SPON1: variants seen among roughly 807,000 people sequenced by gnomAD.
The protein encoded by SPON1 is spondin 1, also known as spondin-1.
A neutral mutation model predicts 111.7 loss-of-function variants in SPON1; 52 were observed. The ratio of observed to expected loss-of-function variants is 0.47; its 90% CI spans 0.37 to 0.59. The LOEUF is 0.59. SPON1 is among the 20% of genes least tolerant of loss of function. The pLI, the probability that SPON1 is intolerant of heterozygous loss-of-function variation, is 0.00. For missense variants in SPON1, 957 were observed against 1,068.5 expected, an observed-to-expected ratio of 0.90 and a Z score of 1.46; for synonymous variants, 410 against 395.8, an observed-to-expected ratio of 1.04 and a Z score of -0.43.
intron 5 of SPON1, among the ~76,000 whole-genome samples, chr11:14,102,510 G>A (rs1554924486): frequency 6.6e-6 from 1 of 152,084 alleles, no homozygotes; most frequent in Non-Finnish European, 1.5e-5. Flanking sequence ...CAATCACACA[G>A]TAGCTACATG....
intron 3 of SPON1, 23 bp from the exon 4 acceptor site, chr11:14,075,322 G>A (rs1240171454): frequency 1.9e-6 from 3 of 1,548,870 alleles, no homozygotes; most frequent in Non-Finnish European, 2.6e-6. Flanking sequence ...TCACCACTGT[G>A]CTTGGGTCTT....
chr11:14,169,816 C>T (rs1848075603), intron 6 of SPON1, among the ~76,000 whole-genome samples: 1 of 152,066 alleles, frequency 6.6e-6, no homozygotes, highest in South Asian at 2.1e-4. Flanking sequence ...AGATATGTGG[C>T]ATTATTTCTG....
chr11:14,107,949 T>G (rs1456004125), intron 5 of SPON1, among the ~76,000 whole-genome samples: 2 of 152,198 alleles, frequency 1.3e-5, no homozygotes, highest in Non-Finnish European at 2.9e-5. Context: ...TGGAAGCTAC[T>G]TAACGTGTCT....
intron 5 of SPON1, among the ~76,000 whole-genome samples, chr11:14,100,129 T>G (rs575301544): frequency 3.5e-4 from 49 of 139,004 alleles, no homozygotes; most frequent in African/African-American, 1.1e-3. Flanking sequence ...TTTCTGCTTT[T>G]TTGTACTTAC....
intron 6 of SPON1, among the ~76,000 whole-genome samples, chr11:14,185,752 G>C (rs1356341556): frequency 6.6e-6 from 1 of 152,250 alleles, no homozygotes; most frequent in Non-Finnish European, 1.5e-5. Flanking sequence ...TGATGGTTCT[G>C]TAGTTTCTGC....
chr11:13,983,861 ACT>A (rs1554910009), intron 2 of SPON1, among the ~76,000 whole-genome samples: 1 of 152,138 alleles, frequency 6.6e-6, no homozygotes, highest in Non-Finnish European at 1.5e-5. Flanking sequence ...GCTGCTGGAG[ACT>A]CTGGTGCAAT....
At chr11:14,164,907 T>G (rs1848010475) in intron 6 of SPON1, among the ~76,000 whole-genome samples, 1 of 152,106 alleles carries the variant, frequency 6.6e-6, no homozygotes, top group South Asian at 2.1e-4. Context: ...TGAGCCAGTT[T>G]ATTGATCTGG....
intron 3 of SPON1, among the ~76,000 whole-genome samples, chr11:14,053,411 G>A (rs1848722203): frequency 6.6e-6 from 1 of 151,962 alleles, no homozygotes; most frequent in Non-Finnish European, 1.5e-5. Flanking sequence ...GTGACCTTTT[G>A]TGTCTAGCTT....
chr11:13,988,189 G>A (rs1295926859), intron 2 of SPON1, among the ~76,000 whole-genome samples: 2 of 152,170 alleles, frequency 1.3e-5, no homozygotes, highest in Non-Finnish European at 2.9e-5. Flanking sequence ...CCATGAGCAT[G>A]GAATGTTTTT....
chr11:14,241,463 G>A (rs1407876807), intron 6 of SPON1, among the ~76,000 whole-genome samples: 1 of 152,190 alleles, frequency 6.6e-6, no homozygotes, highest in Admixed American at 6.5e-5. Context: ...GGTGGCCAGA[G>A]GGGAGACTGT....
chr11:14,015,220 T>C (rs1848436278), intron 2 of SPON1, among the ~76,000 whole-genome samples: 1 of 152,230 alleles, frequency 6.6e-6, no homozygotes, highest in Non-Finnish European at 1.5e-5. Context: ...AGAATAGAAA[T>C]GTATTTCTCA....
chr11:14,041,473 C>G, intron 2 of SPON1, 48 bp from the exon 3 acceptor site: 1 of 1,602,256 alleles, frequency 6.2e-7, no homozygotes, highest in Non-Finnish European at 8.5e-7. Context: ...CTTAAGCGCC[C>G]TCTCAAAATG....
At chr11:14,071,451 C>T (rs1554920887) in intron 3 of SPON1, among the ~76,000 whole-genome samples, 1 of 152,076 alleles carries the variant, frequency 6.6e-6, no homozygotes, top group African/African-American at 2.4e-5. Context: ...CCCACGTCCA[C>T]ACTCCCATTC....
At chr11:14,183,492 C>T (rs1221659909) in intron 6 of SPON1, among the ~76,000 whole-genome samples, 2 of 152,206 alleles carry the variant, frequency 1.3e-5, no homozygotes, top group South Asian at 2.1e-4. Context: ...TTTAAGTTCT[C>T]ATTAGAGCCA....
intron 7 of SPON1, among the ~76,000 whole-genome samples, chr11:14,244,616 C>T (rs1322955218): frequency 2.0e-5 from 3 of 151,794 alleles, no homozygotes; most frequent in Non-Finnish European, 2.9e-5. Context: ...GGTGTGGTGG[C>T]GCATGCCTGT....
chr11:14,260,029 G>A (rs958796556), intron 13 of SPON1, among the ~76,000 whole-genome samples: 9 of 152,092 alleles, frequency 5.9e-5, no homozygotes, highest in African/African-American at 1.9e-4. Flanking sequence ...ACATTTAGGC[G>A]GGACATACAT....
intron 1 of SPON1, among the ~76,000 whole-genome samples, chr11:13,967,103 T>G (rs1848023712): frequency 6.6e-6 from 1 of 152,200 alleles, no homozygotes; most frequent in Non-Finnish European, 1.5e-5. Flanking sequence ...CTCAGAGAAG[T>G]TTATTCCTTA....
At chr11:13,970,501 T>A (rs1848054370) in intron 1 of SPON1, among the ~76,000 whole-genome samples, 1 of 152,148 alleles carries the variant, frequency 6.6e-6, no homozygotes, top group African/African-American at 2.4e-5. Flanking sequence ...CAAGTCACCA[T>A]CTGTGGGGCA....
chr11:14,170,896 C>T (rs1333689521), intron 6 of SPON1, among the ~76,000 whole-genome samples: 1 of 152,046 alleles, frequency 6.6e-6, no homozygotes, highest in East Asian at 1.9e-4. Flanking sequence ...TTCGGTTTGC[C>T]AGTATTTTAT....
Sources: gnomAD v4.1 joint callset for allele counts (sites outside exome capture counted in the v4.1 genomes callset) on GRCh38, gnomAD v4.1.1 for gene constraint, MANE v1.5 for transcripts, NCBI Gene and HGNC (gene_info 2026-07-23, HGNC 2026-07-21) for gene names.